Variants in LEPR observed in about 807,000 individuals in gnomAD.
The protein encoded by LEPR is OB receptor.
In LEPR, 56 loss-of-function variants were observed where a neutral mutation model predicts 114.7. The observed-to-expected ratio is 0.49, with a 90% CI of 0.39 to 0.61. The LOEUF (loss-of-function observed/expected upper bound fraction) is 0.61, where lower values mean the gene tolerates loss of function less well. LEPR is among the 20% of genes least tolerant of loss of function. The probability of loss-of-function intolerance (pLI) is 0.00; values close to 1 mark genes in which losing one functional copy is unlikely to be tolerated. For synonymous variants in LEPR, 443 were observed against 461.4 expected (o/e 0.96, Z 0.51); for missense variants, 1,202 against 1,352.9 (o/e 0.89, Z 1.75).
intron 1 of LEPR, among the ~76,000 whole-genome samples, chr1:65,421,102 C>T (rs1374091053): frequency 6.6e-6 from 1 of 152,212 alleles, no homozygotes; most frequent in Non-Finnish European, 1.5e-5. Flanking sequence ...TTTTCTGCCC[C>T]TCCGCAGTTT....
intron 2 of LEPR, among the ~76,000 whole-genome samples, chr1:65,451,179 C>G (rs1247014034): frequency 6.6e-6 from 1 of 151,950 alleles, no homozygotes; most frequent in Non-Finnish European, 1.5e-5. Flanking sequence ...GGATATTAGC[C>G]CTTTGGCAGA....
chr1:65,567,503 A>C (rs1202186122), intron 3 of LEPR, among the ~76,000 whole-genome samples: 1 of 152,256 alleles, frequency 6.6e-6, no homozygotes, highest in South Asian at 2.1e-4. Context: ...ACTTTTGGTA[A>C]TGTTGTGATA....
At chr1:65,495,038 TA>T (rs1282202758) in intron 2 of LEPR, among the ~76,000 whole-genome samples, 1 of 151,816 alleles carries the variant, frequency 6.6e-6, no homozygotes, top group Admixed American at 6.6e-5. Context: ...AAACAAGTAG[TA>T]AAAGCAAAAA....
chr1:65,608,238 T>C (rs535954715), intron 11 of LEPR, among the ~76,000 whole-genome samples: 55 of 151,768 alleles, frequency 3.6e-4, no homozygotes, highest in African/African-American at 1.3e-3. Flanking sequence ...GGTATCTTTT[T>C]TTTTTTTTTT....
At chr1:65,556,867 C>T (rs1008044385) in intron 2 of LEPR, among the ~76,000 whole-genome samples, 1 of 152,058 alleles carries the variant, frequency 6.6e-6, no homozygotes, top group Non-Finnish European at 1.5e-5. Flanking sequence ...GGCTGTAGTG[C>T]TTTGAGAAAG....
At chr1:65,580,602 T>A (rs1654915054) in intron 5 of LEPR, among the ~76,000 whole-genome samples, 1 of 152,178 alleles carries the variant, frequency 6.6e-6, no homozygotes, top group African/African-American at 2.4e-5. Context: ...AGGAAGGAAA[T>A]TCTCTTTCTT....
intron 2 of LEPR, among the ~76,000 whole-genome samples, chr1:65,454,371 G>A (rs376388136): frequency 2.1e-3 from 320 of 152,026 alleles, no homozygotes; most frequent in Non-Finnish European, 3.9e-3. Flanking sequence ...CAGTTTCTTC[G>A]TAGTCTCGAT....
chr1:65,616,726 C>T (rs1479058942), intron 15 of LEPR, among the ~76,000 whole-genome samples: 1 of 151,984 alleles, frequency 6.6e-6, no homozygotes, highest in Admixed American at 6.6e-5. Flanking sequence ...AGTAGCAAAC[C>T]TTCTTGCATT....
intron 13 of LEPR, 30 bp downstream of exon 13, chr1:65,610,136 A>C: frequency 6.2e-7 from 1 of 1,614,192 alleles, no homozygotes; most frequent in Non-Finnish European, 8.5e-7. Flanking sequence ...ATGTGTTTTG[A>C]AAGTGCATAA....
intron 2 of LEPR, among the ~76,000 whole-genome samples, chr1:65,523,431 C>T (rs1041567276): frequency 1.3e-5 from 2 of 152,080 alleles, no homozygotes; most frequent in Non-Finnish European, 2.9e-5. Flanking sequence ...TTGCCTCAGG[C>T]CCCCAAGTAG....
intron 2 of LEPR, chr1:65,435,884 T>C: frequency 1.0e-6 from 1 of 984,186 alleles, no homozygotes; most frequent in African/African-American, 1.7e-5. Context: ...CACTGAGTAA[T>C]AGCTCATAAA....
chr1:65,622,261 C>T (rs562010046), intron 18 of LEPR, among the ~76,000 whole-genome samples: 5 of 152,182 alleles, frequency 3.3e-5, no homozygotes, highest in African/African-American at 4.8e-5. Flanking sequence ...GGGTTAAGGA[C>T]GTTTTGTGGT....
At chr1:65,504,724 A>G (rs1204042433) in intron 2 of LEPR, among the ~76,000 whole-genome samples, 2 of 152,196 alleles carry the variant, frequency 1.3e-5, no homozygotes, top group Admixed American at 1.3e-4. Context: ...GAGGTTAATA[A>G]CTACTAAAAT....
rs1184999161 is a variant in LEPR at position 65,638,395 on chromosome 1, CTAAAT to C, written c.*1384_*1388del. On this transcript the variant is annotated 3_prime_UTR_variant, in exon 20 of 20. Transcript: ENST00000349533. ...CAAAGACAGCATATTGGGCAACAAA[CTAAAT>C]TAAGAAACCTGCACATTTGGATGTT... 5 of 152,158 alleles carry C rather than the reference CTAAAT, an allele frequency of 3.3e-5. No individual in the cohort carries two copies. In the South Asian group the frequency reaches 8.3e-4, roughly 25 times the overall value. The allele number at this position is 152,158 out of a possible 1,614,324, so 9.4% of individuals were successfully genotyped here.
rs1030794120 is a variant in LEPR at position 65,640,193 on chromosome 1, T to C, written c.*3178T>C. ...TCCAAAACTGAAAGAAAATAAACTT[T>C]AGGCTGTAAGAGTTGAGAATTATGC... On this transcript the variant is annotated 3_prime_UTR_variant, in exon 20 of 20. Transcript: ENST00000349533. The C allele has an allele frequency of 8.5e-5, 13 of 152,174 alleles. No homozygotes were observed. The highest frequency in any genetic ancestry group is 3.1e-4 in the African/African-American group (13 of 41,446). The allele number at this position is 152,174 out of a possible 1,614,324, so 9.4% of individuals were successfully genotyped here.
chr1:65,471,940 G>C (rs575704576), intron 2 of LEPR, among the ~76,000 whole-genome samples: 1 of 152,210 alleles, frequency 6.6e-6, no homozygotes, highest in African/African-American at 2.4e-5. Context: ...TCAAGAGGAA[G>C]ACTTCAAAGA....
At chr1:65,600,840 C>T (rs1656396325) in intron 8 of LEPR, among the ~76,000 whole-genome samples, 1 of 151,838 alleles carries the variant, frequency 6.6e-6, no homozygotes, top group Non-Finnish European at 1.5e-5. Flanking sequence ...ATTTTCTCTG[C>T]TTTGTATATT....
At chr1:65,542,142 A>T (rs1288426166) in intron 2 of LEPR, among the ~76,000 whole-genome samples, 14 of 152,170 alleles carry the variant, frequency 9.2e-5, no homozygotes, top group Admixed American at 9.2e-4. Flanking sequence ...ATATTATGCA[A>T]ATTAAATTAC....
chr1:65,614,928 G>A (rs1201418557), intron 14 of LEPR, among the ~76,000 whole-genome samples: 3 of 152,038 alleles, frequency 2.0e-5, no homozygotes, highest in Non-Finnish European at 1.5e-5. Context: ...GAAAATATAC[G>A]AGATTAGCCT....
Sources: allele counts gnomAD v4.1 joint callset (sites outside exome capture counted in the v4.1 genomes callset), GRCh38; gene constraint gnomAD v4.1.1; transcripts MANE v1.5; gene names NCBI Gene and HGNC (gene_info 2026-07-23, HGNC 2026-07-21).